Variants in TNIP1 observed in about 807,000 individuals in gnomAD.
TNIP1 encodes TNFAIP3 interacting protein 1, also known as TNFAIP3-interacting protein 1.
In TNIP1, 22 loss-of-function variants were observed where a neutral mutation model predicts 86.6. That is an observed-to-expected ratio of 0.25 (90% CI 0.18 to 0.36). The LOEUF is 0.36. Ranked by LOEUF, TNIP1 falls within the 10% of genes least tolerant of loss-of-function variation. The pLI, the probability that TNIP1 is intolerant of heterozygous loss-of-function variation, is 1.00. For missense variants in TNIP1, 709 were observed against 820.6 expected (o/e 0.86, Z 1.66); for synonymous variants, 294 against 313.0 (o/e 0.94, Z 0.64).
At chr5:151,037,791 T>C (rs1262739917) in intron 12 of TNIP1, among the ~76,000 whole-genome samples, 1 of 152,152 alleles carries the variant, frequency 6.6e-6, no homozygotes, top group African/African-American at 2.4e-5. Context: ...CTGGCCCAAC[T>C]TGGACTCGGG....
intron 7 of TNIP1, among the ~76,000 whole-genome samples, chr5:151,050,886 G>C (rs1196219179): frequency 6.6e-6 from 1 of 152,008 alleles, no homozygotes; most frequent in Non-Finnish European, 1.5e-5. Flanking sequence ...TATTTCACCA[G>C]GCTGGTCTCA....
chr5:151,070,014 G>A (rs1443508828), intron 1 of TNIP1, among the ~76,000 whole-genome samples: 1 of 152,174 alleles, frequency 6.6e-6, no homozygotes, highest in African/African-American at 2.4e-5. Flanking sequence ...TTGCGAACAC[G>A]AGGCCTGAGA....
chr5:151,073,517 C>T lies in TNIP1; in HGVS notation c.-37+7363G>A, dbSNP rs1763045373. On this transcript the variant is annotated intron_variant, in intron 1 of 17. Transcript: ENST00000521591. The stretch of plus-strand genomic sequence containing the variant: ...CTTGGCAATGATACAGAAAGATGCC[C>T]ATAAAATACAAAGCAAAGTGCAGAT... Among the ~76,000 whole-genome samples, 4 of 151,058 alleles carry T rather than the reference C, an allele frequency of 2.6e-5. No individual in the cohort carries two copies. The South Asian group carries it at 8.3e-4, about 31-fold the overall frequency.
At chr5:151,050,027 G>C (rs1581796418) in intron 7 of TNIP1, 80 bp from the exon 8 acceptor site, 1 of 1,588,194 alleles carries the variant, frequency 6.3e-7, no homozygotes, top group African/African-American at 1.3e-5. Context: ...GCTCACTATC[G>C]CATGAGTTGC....
chr5:151,068,461 T>C (rs951252748), intron 1 of TNIP1, among the ~76,000 whole-genome samples: 5 of 152,174 alleles, frequency 3.3e-5, no homozygotes, highest in Admixed American at 1.3e-4. Context: ...ACTCAATGGA[T>C]GAGGGGCTGC....
intron 6 of TNIP1, among the ~76,000 whole-genome samples, chr5:151,056,557 C>T (rs888373498): frequency 2.0e-4 from 30 of 152,140 alleles, no homozygotes; most frequent in Admixed American, 1.4e-3. Flanking sequence ...TTGCCCATCC[C>T]GTATTTCCCC....
chr5:151,064,838 A>G (rs1762036068), intron 2 of TNIP1, 122 bp downstream of exon 2: 1 of 1,413,854 alleles, frequency 7.1e-7, no homozygotes, highest in Admixed American at 1.7e-5. Flanking sequence ...CTGGGCCAGG[A>G]GGGACAGGGG....
intron 9 of TNIP1, among the ~76,000 whole-genome samples, chr5:151,044,728 C>T (rs1758909917): frequency 6.6e-6 from 1 of 152,126 alleles, no homozygotes; most frequent in Non-Finnish European, 1.5e-5. Context: ...AAAGGAGCTG[C>T]ACTTCGACCT....
intron 11 of TNIP1, among the ~76,000 whole-genome samples, chr5:151,040,007 A>AGGG (rs1184976907): frequency 6.6e-6 from 1 of 152,198 alleles, no homozygotes; most frequent in Non-Finnish European, 1.5e-5. Flanking sequence ...ATGTCCAGAG[A>AGGG]GGGGAAGTGA....
At chr5:151,057,795 C>A (rs960959535) in intron 5 of TNIP1, among the ~76,000 whole-genome samples, 65 of 152,110 alleles carry the variant, frequency 4.3e-4, no homozygotes, top group African/African-American at 1.5e-3. Flanking sequence ...ATACAGTATA[C>A]CAAAATTTAG....
intron 12 of TNIP1, 180 bp from the exon 13 acceptor site, chr5:151,037,101 G>A: frequency 1.4e-6 from 1 of 698,826 alleles, no homozygotes; most frequent in South Asian, 2.2e-5. Context: ...CATTTCATTG[G>A]ATCTTCTGCA....
chr5:151,070,839 C>T (rs1398956768), intron 1 of TNIP1, among the ~76,000 whole-genome samples: 1 of 152,060 alleles, frequency 6.6e-6, no homozygotes, highest in Non-Finnish European at 1.5e-5. Flanking sequence ...CTACTCTGTT[C>T]AATACTGTAA....
chr5:151,082,282 T>C (rs1234831701), upstream of TNIP1, among the ~76,000 whole-genome samples: 1 of 152,202 alleles, frequency 6.6e-6, no homozygotes, highest in African/African-American at 2.4e-5. Context: ...TTCAAAACGA[T>C]ATTCATTCTA....
chr5:151,044,232 G>C (rs753789836), intron 9 of TNIP1, among the ~76,000 whole-genome samples: 13 of 152,088 alleles, frequency 8.5e-5, no homozygotes, highest in Non-Finnish European at 1.6e-4. Flanking sequence ...TGTAGAGACA[G>C]GGTCTTGCTA....
intron 14 of TNIP1, among the ~76,000 whole-genome samples, 200 bp downstream of exon 14, chr5:151,035,382 A>G (rs535047940): frequency 6.6e-6 from 1 of 152,336 alleles, no homozygotes; most frequent in African/African-American, 2.4e-5. Context: ...TCAGAGGTAG[A>G]GATATCTTAG....
At chr5:151,062,627 T>C (rs1001145733) in intron 3 of TNIP1, among the ~76,000 whole-genome samples, 6 of 152,180 alleles carry the variant, frequency 3.9e-5, no homozygotes, top group African/African-American at 1.4e-4. Flanking sequence ...CACAGCCACA[T>C]AGCCAGCAAC....
At chr5:151,044,257 G>C (rs1170708710) in intron 9 of TNIP1, among the ~76,000 whole-genome samples, 1 of 152,038 alleles carries the variant, frequency 6.6e-6, no homozygotes. Context: ...GCCCAGGCTG[G>C]TCTCAAACTC....
chr5:151,064,603 G>GC (rs11410317), intron 2 of TNIP1, among the ~76,000 whole-genome samples: 152,272 of 152,272 alleles, frequency 1, 76,136 homozygotes, highest in Non-Finnish European at 1. Flanking sequence ...TGCCCCAGTT[G>GC]CCTGGTCATG....
At chr5:151,053,009 G>T (rs1760149710) in intron 6 of TNIP1, among the ~76,000 whole-genome samples, 1 of 151,986 alleles carries the variant, frequency 6.6e-6, no homozygotes, top group Admixed American at 6.6e-5. Flanking sequence ...AGAAGACAAG[G>T]CATTCAGTCG....
Sources: allele counts gnomAD v4.1 joint callset (sites outside exome capture counted in the v4.1 genomes callset), GRCh38; gene constraint gnomAD v4.1.1; transcripts MANE v1.5; gene names NCBI Gene and HGNC (gene_info 2026-07-23, HGNC 2026-07-21).